The following AAGAB variants were observed in gnomAD, a reference collection of about 807,000 sequenced individuals.
AAGAB encodes the protein alpha and gamma adaptin binding protein, also known as alpha- and gamma-adaptin-binding protein p34.
AAGAB carries 38 observed loss-of-function variants against 44.1 expected under a neutral mutation model. That is an observed-to-expected ratio of 0.86 (90% CI 0.67 to 1.13). The LOEUF is 1.13. AAGAB is among the 50% of genes most tolerant of loss of function. The pLI, the probability that AAGAB is intolerant of heterozygous loss-of-function variation, is 0.00. For missense variants in AAGAB, 450 were observed against 373.8 expected, an observed-to-expected ratio of 1.20 and a Z score of -1.68; for synonymous variants, 131 against 131.8, an observed-to-expected ratio of 0.99 and a Z score of 0.04.
chr15:67,212,264 G>A (rs1173007512), intron 5 of AAGAB, among the ~76,000 whole-genome samples: 1 of 152,096 alleles, frequency 6.6e-6, no homozygotes, highest in Non-Finnish European at 1.5e-5. Flanking sequence ...ACTCATCACT[G>A]TATACTGTAA....
At chr15:67,235,407 G>A (rs1421019692) in intron 4 of AAGAB, among the ~76,000 whole-genome samples, 1 of 152,116 alleles carries the variant, frequency 6.6e-6, no homozygotes, top group Non-Finnish European at 1.5e-5. Flanking sequence ...GTACTTCAAA[G>A]GAGAAAAGAT....
chr15:67,235,061 T>A (rs1201852631), intron 4 of AAGAB, among the ~76,000 whole-genome samples: 2 of 152,228 alleles, frequency 1.3e-5, no homozygotes, highest in Admixed American at 6.5e-5. Context: ...TTAATTCACG[T>A]TGGTTGCCCC....
In AAGAB at chr15:67,204,104, T is replaced by A. The variant is rs1567013198; in HGVS notation, c.760A>T (p.Thr254Ser). The part of the protein sequence containing the change: ...LDIQELASLT[T>S]GGGDVENFER... ...AAATTCTCCACATCTCCTCCTCCAG[T>A]GGTAAGACTGGCTAATTCTTGAATA... Residue 254 changes from threonine (T) to serine (S), a missense_variant, in exon 8 of 10, where the codon ACT (threonine) becomes TCT (serine). Physicochemically the swap from Thr to Ser is moderately conservative, Grantham distance 58. Transcript: ENST00000261880. The A allele has an allele frequency of 1.2e-6, 2 of 1,612,560 alleles. No individual in the cohort carries two copies. The highest frequency in any genetic ancestry group is 8.5e-7 in the Non-Finnish European group (1 of 1,178,816).
intron 5 of AAGAB, among the ~76,000 whole-genome samples, chr15:67,229,776 C>T (rs1451595936): frequency 2.6e-5 from 4 of 151,960 alleles, no homozygotes; most frequent in Admixed American, 2.0e-4. Flanking sequence ...TTTATAAAAC[C>T]GGTCTTCTAC....
At chr15:67,252,268 C>T (rs1964888622) in intron 1 of AAGAB, among the ~76,000 whole-genome samples, 1 of 152,116 alleles carries the variant, frequency 6.6e-6, no homozygotes, top group African/African-American at 2.4e-5. Flanking sequence ...AATTAATATT[C>T]CTGAGATTGT....
At chr15:67,230,919 A>G (rs1964319606) in intron 5 of AAGAB, among the ~76,000 whole-genome samples, 1 of 152,170 alleles carries the variant, frequency 6.6e-6, no homozygotes, top group African/African-American at 2.4e-5. Flanking sequence ...CCCCTTATTT[A>G]AAAATCTCCA....
At chr15:67,226,988 T>A (rs2140367096) in intron 5 of AAGAB, 1 of 214,880 alleles carries the variant, frequency 4.7e-6, no homozygotes, top group South Asian at 5.3e-5. Flanking sequence ...TTTGTGTGTT[T>A]TCAGGGCCAT....
At position 67,233,341 on chromosome 15, in the gene AAGAB, T is replaced by C. The variant is rs527385846; in HGVS notation, c.452-1444A>G. On this transcript the variant is annotated intron_variant, in intron 4 of 9. Transcript: ENST00000261880. ...TATCCTGCTTCTGGAATTTGACTGATACTACTCAAAATAATGGGATTGTAA... is the reference window on the plus strand; with the variant it reads ...TATCCTGCTTCTGGAATTTGACTGACACTACTCAAAATAATGGGATTGTAA... Among the ~76,000 whole-genome samples, 3 of 152,282 alleles carry C rather than the reference T, an allele frequency of 2.0e-5. No homozygotes were observed. The East Asian group carries it at 5.8e-4, about 29-fold the overall frequency.
Position 67,236,040 on chromosome 15 carries a change from C to T in AAGAB, c.390G>A (p.Trp130Ter), listed in dbSNP as rs1303861168. The change falls in exon 4 of 10, where the codon TGG (tryptophan) becomes TGA (stop). Residue 130 changes from tryptophan (W) to a stop codon, truncating the protein, a stop_gained. Coordinates refer to ENST00000261880, the MANE Select transcript of AAGAB (RefSeq NM_024666.5). LOFTEE classifies it high-confidence loss of function. ...DGINRQKAQE[W>*]CIKHGFELVE... ...CCAATTCAAAGCCATGTTTGATGCA[C>T]CATTCTTGAGCTTTTTGTCGGTTTA... 2 of 1,613,150 alleles carry T rather than the reference C, an allele frequency of 1.2e-6. No homozygotes were observed. The highest frequency in any genetic ancestry group is 2.2e-5 in the East Asian group (1 of 44,806).
intron 5 of AAGAB, among the ~76,000 whole-genome samples, chr15:67,222,234 G>GCACACACA (rs779911873): frequency 1.2e-4 from 5 of 43,166 alleles, no homozygotes; most frequent in African/African-American, 5.1e-4. Flanking sequence ...ACGCGCACGC[G>GCACACACA]CGCGCGCGCA....
At chr15:67,221,430 G>A (rs781558364) in intron 5 of AAGAB, among the ~76,000 whole-genome samples, 1 of 152,136 alleles carries the variant, frequency 6.6e-6, no homozygotes, top group Non-Finnish European at 1.5e-5. Context: ...TTGCTTCTAG[G>A]ACTGCTTCAC....
chr15:67,205,892 T>TAA (rs11411631), intron 7 of AAGAB, among the ~76,000 whole-genome samples: 11 of 151,452 alleles, frequency 7.3e-5, no homozygotes, highest in South Asian at 2.1e-4. Context: ...AATTTACTCT[T>TAA]AAAAAAAAAC....
upstream of AAGAB, chr15:67,255,041 GT>G: frequency 9.6e-6 from 12 of 1,244,100 alleles, no homozygotes; most frequent in Non-Finnish European, 1.4e-5. Flanking sequence ...CACCCATTTG[GT>G]GCGCCGCCCC....
At chr15:67,214,769 T>C (rs1963903139) in intron 5 of AAGAB, among the ~76,000 whole-genome samples, 1 of 151,994 alleles carries the variant, frequency 6.6e-6, no homozygotes, top group Non-Finnish European at 1.5e-5. Context: ...GCCTCCTGAG[T>C]AGCTGGGACT....
At chr15:67,209,364 T>C (rs532057896) in intron 6 of AAGAB, 98 bp downstream of exon 6, 1 of 1,080,570 alleles carries the variant, frequency 9.3e-7, no homozygotes, top group South Asian at 1.3e-5. Context: ...TGTCACCTTT[T>C]AAATGGAAAG....
chr15:67,232,360 A>T (rs576002199), intron 4 of AAGAB: 1 of 177,722 alleles, frequency 5.6e-6, no homozygotes, highest in South Asian at 1.3e-4. Flanking sequence ...CAAGGAAAAA[A>T]ATCAAATACA....
At chr15:67,213,450 G>A (rs981328741) in intron 5 of AAGAB, among the ~76,000 whole-genome samples, 1 of 152,096 alleles carries the variant, frequency 6.6e-6, no homozygotes, top group African/African-American at 2.4e-5. Flanking sequence ...AGCATAAAAT[G>A]CATCTCTCAT....
chr15:67,226,991 A>G, intron 5 of AAGAB: 1 of 213,062 alleles, frequency 4.7e-6, no homozygotes, highest in Non-Finnish European at 1.0e-5. Flanking sequence ...GTGTGTTTTC[A>G]GGGCCATTTG....
At position 67,236,641 on chromosome 15, in the gene AAGAB, C is replaced by G. The variant is rs754070263; in HGVS notation, c.253G>C (p.Asp85His). 2 of 1,613,056 alleles carry G rather than the reference C, an allele frequency of 1.2e-6. No homozygotes were observed. The highest frequency in any genetic ancestry group is 1.7e-6 in the Non-Finnish European group (2 of 1,179,720). ...ESVQAFVVYF[D>H]STQKSGLDSV... ...AAACAAAGTCTTACTTGTGTGCTGT[C>G]AAAGTAAACCACAAATGCTTGGACA... is the stretch of plus-strand genomic sequence containing the variant. Residue 85 changes from aspartate to histidine, a missense_variant, in exon 2 of 10, where the codon GAC becomes CAC. Physicochemically the swap from Asp to His is moderately conservative, Grantham distance 81. Transcript: ENST00000261880.
Sources: allele counts gnomAD v4.1 joint callset (sites outside exome capture counted in the v4.1 genomes callset), GRCh38; gene constraint gnomAD v4.1.1; transcripts MANE v1.5; gene names NCBI Gene and HGNC (gene_info 2026-07-23, HGNC 2026-07-21).